CAPN13: variants seen among roughly 807,000 people sequenced by gnomAD.
CAPN13 encodes the protein calpain-13.
A neutral mutation model predicts 98.4 loss-of-function variants in CAPN13; 90 were observed. The observed-to-expected ratio is 0.92, with a 90% CI of 0.77 to 1.09. The LOEUF is 1.09. Ranked by LOEUF, CAPN13 falls within the 50% of genes least tolerant of loss-of-function variation. The pLI is 0.00. For missense variants in CAPN13, 887 were observed against 841.3 expected (o/e 1.05, Z -0.67); for synonymous variants, 330 against 305.5 (o/e 1.08, Z -0.84).
At chr2:30,786,303 T>C (rs182072039) in intron 2 of CAPN13, among the ~76,000 whole-genome samples, 7 of 152,244 alleles carry the variant, frequency 4.6e-5, no homozygotes, top group South Asian at 2.1e-4. Context: ...TTCTAGGTTA[T>C]GCTGGTGCCT....
chr2:30,743,881 C>T (rs375023066), intron 12 of CAPN13, among the ~76,000 whole-genome samples: 4 of 152,180 alleles, frequency 2.6e-5, no homozygotes. Flanking sequence ...GAGAAAACTT[C>T]CATGGAAACT....
chr2:30,748,990 G>C (rs1319866316), intron 11 of CAPN13, among the ~76,000 whole-genome samples: 1 of 152,076 alleles, frequency 6.6e-6, no homozygotes, highest in African/African-American at 2.4e-5. Context: ...GCCCTACTGA[G>C]AGCCCTGGAG....
chr2:30,732,818 A>T (rs566251833), intron 19 of CAPN13, among the ~76,000 whole-genome samples: 3 of 152,164 alleles, frequency 2.0e-5, no homozygotes, highest in Non-Finnish European at 4.4e-5. Context: ...CTTCACAATC[A>T]TCTGATCATT....
chr2:30,738,497 G>A (rs1572792853), intron 15 of CAPN13, 40 bp from the exon 16 acceptor site: 1 of 1,566,368 alleles, frequency 6.4e-7, no homozygotes, highest in Non-Finnish European at 8.7e-7. Flanking sequence ...TTATATCAGT[G>A]CCAGGATCTG....
At position 30,751,234 on chromosome 2, in the gene CAPN13, C is replaced by T; in HGVS notation, c.1105G>A (p.Ala369Thr). Reference protein sequence around the residue: ...GNTAGGPRNDAQFNFSVQEPM... With the variant: ...GNTAGGPRNDTQFNFSVQEPM... Reference sequence around the variant, plus strand: ...TCTTGCACAGAGAAGTTGAATTGAGCATCATTCCGAGGTCCTCCTGCATCA... The same window carrying T: ...TCTTGCACAGAGAAGTTGAATTGAGTATCATTCCGAGGTCCTCCTGCATCA... The change falls in exon 11 of 23, where the codon GCT becomes ACT. Residue 369 changes from alanine to threonine, a missense_variant. Transcript: ENST00000295055. 5 of 1,613,860 alleles carry T rather than the reference C, an allele frequency of 3.1e-6. No homozygotes were observed. The highest frequency in any genetic ancestry group is 3.4e-6 in the Non-Finnish European group (4 of 1,179,834).
At position 30,775,947 on chromosome 2, in the gene CAPN13, C is replaced by T; in HGVS notation, c.370G>A (p.Gly124Ser). 1 of 1,609,462 alleles carries T rather than the reference C, an allele frequency of 6.2e-7. No homozygotes were observed. The part of the protein sequence containing the change: ...MVQSFSHQYA[G>S]IFRFRFWQCG... ...ACACGTACCCGGAAACGGAAAATGC[C>T]AGCATACTGGTGTGAAAAGCTTTGG... The change falls in exon 4 of 23, where the codon GGC (glycine) becomes AGC (serine). Residue 124 changes from glycine (G) to serine (S), a missense_variant. Transcript: ENST00000295055.
rs573032786 is a variant in CAPN13, at chr2:30,735,899, C to T, written c.1722+604G>A. Reference sequence around the variant, plus strand: ...AGGGTAGGTGGGCACTGGCCAGTCTCAGGGTGCAGGGAGGGGAGAGGCAGG... The same window carrying T: ...AGGGTAGGTGGGCACTGGCCAGTCTTAGGGTGCAGGGAGGGGAGAGGCAGG... On this transcript the variant is annotated intron_variant, in intron 18 of 22. Coordinates refer to ENST00000295055, the MANE Select transcript of CAPN13 (RefSeq NM_144575.3). Among the ~76,000 whole-genome samples, 38 of 152,204 alleles carry T rather than the reference C, an allele frequency of 2.5e-4. 1 individual carries two copies. The South Asian group carries it at 7.9e-3, about 32-fold the overall frequency.
intron 1 of CAPN13, among the ~76,000 whole-genome samples, chr2:30,789,067 T>C (rs931278922): frequency 6.6e-6 from 1 of 152,192 alleles, no homozygotes; most frequent in South Asian, 2.1e-4. Flanking sequence ...TGAGTTCTTA[T>C]AGAATAATGG....
In CAPN13 at chr2:30,731,418, G is replaced by A. The variant is rs753458631; in HGVS notation, c.1928-19C>T. Reference sequence around the variant, plus strand: ...AAGGTCTCTAGGATAAAGAAGGGAAGGTTTTGACTGACTGAGGAGGAAGGA... The same window carrying A: ...AAGGTCTCTAGGATAAAGAAGGGAAAGTTTTGACTGACTGAGGAGGAAGGA... On this transcript the variant is annotated intron_variant, in intron 20 of 22. Coordinates refer to ENST00000295055, the MANE Select transcript of CAPN13 (RefSeq NM_144575.3). 1 of 1,602,030 alleles carries A rather than the reference G, an allele frequency of 6.2e-7. No homozygotes were observed. Among genetic ancestry groups the A allele is most frequent in the Non-Finnish European group, 8.5e-7 (1 of 1,174,092 alleles).
intron 4 of CAPN13, among the ~76,000 whole-genome samples, chr2:30,773,672 G>A (rs1184603135): frequency 5.3e-5 from 8 of 152,242 alleles, no homozygotes; most frequent in Admixed American, 3.3e-4. Context: ...AAACCTCTGG[G>A]CACCAAAGAA....
chr2:30,789,253 T>C (rs1674483662), intron 1 of CAPN13, among the ~76,000 whole-genome samples: 1 of 152,228 alleles, frequency 6.6e-6, no homozygotes, highest in Non-Finnish European at 1.5e-5. Context: ...TGAAGAGTTG[T>C]GAAAATCATG....
At chr2:30,743,643 A>T in intron 12 of CAPN13, 64 bp from the exon 13 acceptor site, 4 of 1,439,284 alleles carry the variant, frequency 2.8e-6, no homozygotes, top group Non-Finnish European at 3.9e-6. Context: ...CCCAGTCACC[A>T]AGAAAGACCC....
intron 9 of CAPN13, 42 bp downstream of exon 9, chr2:30,754,248 A>G (rs1672323515): frequency 6.7e-7 from 1 of 1,483,286 alleles, no homozygotes; most frequent in Non-Finnish European, 9.2e-7. Flanking sequence ...AGACTTGGGC[A>G]ATAAAAGATT....
At chr2:30,733,539 T>A (rs1671205753) in intron 19 of CAPN13, among the ~76,000 whole-genome samples, 1 of 152,072 alleles carries the variant, frequency 6.6e-6, no homozygotes, top group Non-Finnish European at 1.5e-5. Flanking sequence ...GGCATGAGCA[T>A]CCCCTGGGAG....
At chr2:30,741,847 C>G (rs1466722103) in intron 15 of CAPN13, 61 bp downstream of exon 15, 1 of 1,612,452 alleles carries the variant, frequency 6.2e-7, no homozygotes, top group East Asian at 2.2e-5. Context: ...TGAGAGCTGT[C>G]CCTCCCTCAG....
At chr2:30,752,259 G>A (rs913486287) in intron 10 of CAPN13, among the ~76,000 whole-genome samples, 1 of 152,170 alleles carries the variant, frequency 6.6e-6, no homozygotes, top group Admixed American at 6.5e-5. Flanking sequence ...GGATGCATAT[G>A]CATCCCTGGG....
intron 2 of CAPN13, among the ~76,000 whole-genome samples, chr2:30,779,015 T>TC (rs1431497754): frequency 2.0e-5 from 3 of 152,318 alleles, no homozygotes; most frequent in African/African-American, 7.2e-5. Context: ...TTTACTTGTC[T>TC]CCTCTCTCTA....
chr2:30,789,843 C>T (rs1034626918), intron 1 of CAPN13, among the ~76,000 whole-genome samples: 1 of 152,224 alleles, frequency 6.6e-6, no homozygotes, highest in Non-Finnish European at 1.5e-5. Flanking sequence ...CTTGCTCATA[C>T]CCAGGACAGG....
At chr2:30,741,558 TTGG>T (rs1671655818) in intron 15 of CAPN13, 20 of 1,071,516 alleles carry the variant, frequency 1.9e-5, no homozygotes, top group Non-Finnish European at 2.2e-5. Context: ...CGATGCCAGG[TTGG>T]TGGGAGGTGG....
Sources: gnomAD v4.1 joint callset for allele counts (sites outside exome capture counted in the v4.1 genomes callset) on GRCh38, gnomAD v4.1.1 for gene constraint, MANE v1.5 for transcripts, NCBI Gene and HGNC (gene_info 2026-07-23, HGNC 2026-07-21) for gene names.